Variants in COLGALT2 observed in about 807,000 individuals in gnomAD.
COLGALT2 encodes the protein collagen beta(1-O)galactosyltransferase 2, also known as procollagen galactosyltransferase 2.
In COLGALT2, 49 loss-of-function variants were observed where a neutral mutation model predicts 73.4. The ratio of observed to expected loss-of-function variants is 0.67; its 90% CI spans 0.53 to 0.85. The LOEUF (loss-of-function observed/expected upper bound fraction) is 0.85, where lower values mean the gene tolerates loss of function less well. Among genes scored for constraint, COLGALT2 ranks in the 40% least tolerant of loss-of-function variants. The pLI is 0.00. For synonymous variants in COLGALT2, 295 were observed against 307.6 expected (o/e 0.96, Z 0.43); for missense variants, 722 against 790.2 (o/e 0.91, Z 1.03).
chr1:183,959,543 C>T (rs949352518), intron 6 of COLGALT2, among the ~76,000 whole-genome samples: 2 of 152,088 alleles, frequency 1.3e-5, no homozygotes, highest in African/African-American at 2.4e-5. Flanking sequence ...CCTGTTGCTC[C>T]ACCACCAAAA....
intron 1 of COLGALT2, among the ~76,000 whole-genome samples, chr1:184,036,548 A>G (rs559221751): frequency 6.6e-6 from 1 of 152,210 alleles, no homozygotes; most frequent in South Asian, 2.1e-4. Context: ...CCCCTAGGAG[A>G]GCTAGGAGCA....
intron 8 of COLGALT2, chr1:183,945,894 G>A (rs986932131): frequency 1.6e-5 from 4 of 252,824 alleles, no homozygotes; most frequent in Non-Finnish European, 2.3e-5. Context: ...GTTTGATCAA[G>A]ACCTACTGCT....
chr1:183,930,475 G>A (rs76296745), intron 11 of COLGALT2, among the ~76,000 whole-genome samples: 6,639 of 151,750 alleles, frequency 0.044, 398 homozygotes, highest in East Asian at 0.31. Flanking sequence ...TGCAGACTCC[G>A]CTTCCTGGGC....
chr1:184,010,149 G>A (rs1409803), intron 1 of COLGALT2, among the ~76,000 whole-genome samples: 29,233 of 152,098 alleles, frequency 0.19, 5,037 homozygotes, highest in African/African-American at 0.46. Context: ...CAGTCATGCA[G>A]GTGAATAATG....
intron 6 of COLGALT2, among the ~76,000 whole-genome samples, chr1:183,956,006 G>A (rs1466091186): frequency 6.6e-6 from 1 of 152,188 alleles, no homozygotes; most frequent in African/African-American, 2.4e-5. Flanking sequence ...CGGCATGTGT[G>A]GATATGGATA....
rs1026451283 is a variant in COLGALT2, at chr1:183,937,696, G to A, written c.*1065C>T. The A allele has an allele frequency of 9.1e-6, 9 of 985,298 alleles. No individual in the cohort carries two copies. The highest frequency in any genetic ancestry group is 1.1e-4 in the East Asian group (1 of 8,834). The allele number at this position is 985,298 out of a possible 1,614,324, so 61.0% of individuals were successfully genotyped here. Reference sequence around the variant, plus strand: ...CACACCCACCACTCCCCCGGGTGCCGTGGAAGTCTGCAACATCTGTTTCTC... The same window carrying A: ...CACACCCACCACTCCCCCGGGTGCCATGGAAGTCTGCAACATCTGTTTCTC... On this transcript the variant is annotated 3_prime_UTR_variant, in exon 12 of 12. Transcript: ENST00000361927.
intron 1 of COLGALT2, among the ~76,000 whole-genome samples, chr1:184,026,539 G>C (rs1649336825): frequency 6.6e-6 from 1 of 152,064 alleles, no homozygotes; most frequent in Non-Finnish European, 1.5e-5. Flanking sequence ...AACAAACTCA[G>C]AACAATCCTC....
At chr1:183,942,878 C>A (rs1016346168) in intron 10 of COLGALT2, among the ~76,000 whole-genome samples, 2 of 152,190 alleles carry the variant, frequency 1.3e-5, no homozygotes, top group Non-Finnish European at 2.9e-5. Flanking sequence ...TACATGTGAA[C>A]GGGAACGTAT....
downstream of COLGALT2, among the ~76,000 whole-genome samples, chr1:183,932,843 C>T (rs1669874876): frequency 6.6e-6 from 1 of 152,122 alleles, no homozygotes. Context: ...TCCCATGAGT[C>T]CCCACCTCCT....
At chr1:183,994,184 A>G (rs1477144973) in intron 1 of COLGALT2, among the ~76,000 whole-genome samples, 1 of 150,192 alleles carries the variant, frequency 6.7e-6, no homozygotes, top group Non-Finnish European at 1.5e-5. Flanking sequence ...GACTACAGGC[A>G]CCCGCCACCA....
intron 5 of COLGALT2, among the ~76,000 whole-genome samples, chr1:183,964,985 G>A (rs962168956): frequency 8.5e-5 from 13 of 152,246 alleles, no homozygotes; most frequent in African/African-American, 2.9e-4. Context: ...TTGTGCAGAT[G>A]AAATTTCCTC....
At position 183,964,365 on chromosome 1, in the gene COLGALT2, G is replaced by C. The variant is rs1014692862; in HGVS notation, c.833-345C>G. 11 of 334,578 alleles carry C rather than the reference G, an allele frequency of 3.3e-5. No individual in the cohort carries two copies. In the Admixed American group the frequency reaches 4.3e-4, roughly 13 times the overall value. The allele number at this position is 334,578 out of a possible 1,614,324, so 20.7% of individuals were successfully genotyped here. ...ATTCTGGAGAGCAGAATGGAACACT[G>C]TAATCCACCTACAGGAAATAACAAG... is the stretch of plus-strand genomic sequence containing the variant. On this transcript the variant is annotated intron_variant, in intron 5 of 11. Transcript: ENST00000361927.
chr1:183,945,297 A>G, intron 9 of COLGALT2, 135 bp downstream of exon 9: 1 of 1,062,142 alleles, frequency 9.4e-7, no homozygotes. Flanking sequence ...AGGGAGACAC[A>G]AGGCAGGAGC....
intron 6 of COLGALT2, among the ~76,000 whole-genome samples, chr1:183,960,770 T>G (rs1670678084): frequency 6.6e-6 from 1 of 152,238 alleles, no homozygotes; most frequent in Admixed American, 6.5e-5. Context: ...TTTGTGATTT[T>G]TTTTTTAGCT....
chr1:183,931,906 AG>A (rs1012066922), downstream of COLGALT2, among the ~76,000 whole-genome samples: 8 of 151,834 alleles, frequency 5.3e-5, no homozygotes, highest in African/African-American at 1.9e-4. Flanking sequence ...AAATGGGAGA[AG>A]CATTCTAAAT....
At position 183,938,460 on chromosome 1, in the gene COLGALT2, T is replaced by C. The variant is rs1170526488; in HGVS notation, c.*301A>G. 1 of 1,197,200 alleles carries C rather than the reference T, an allele frequency of 8.4e-7. No homozygotes were observed. The highest frequency in any genetic ancestry group is 1.0e-6 in the Non-Finnish European group (1 of 959,394). 74.2% of individuals were successfully genotyped at this position (1,197,200 alleles called of 1,614,324 possible). A position where few individuals can be genotyped will look rare whatever the true frequency, so the allele number is the denominator to read the frequency against. On this transcript the variant is annotated 3_prime_UTR_variant, in exon 12 of 12. Transcript: ENST00000361927. ...TCTGAGCCATGTTGTTCAACCTTAA[T>C]GTGGGAATCAGTATCACATGAGTAG...
intron 9 of COLGALT2, 22 bp downstream of exon 9, chr1:183,945,410 A>G: frequency 6.2e-7 from 1 of 1,611,490 alleles, no homozygotes; most frequent in Non-Finnish European, 8.5e-7. Context: ...TAAAACTGCA[A>G]TCTGAATAAA....
At position 184,019,524 on chromosome 1, in the gene COLGALT2, T is replaced by C. The variant is rs180811508; in HGVS notation, c.263+17571A>G. 2.3e-3 allele frequency among the ~76,000 whole-genome samples: 346 copies of C among 152,312 alleles called. 5 individuals are homozygous for C. The highest frequency in any genetic ancestry group is 8.0e-3 in the African/African-American group (332 of 41,576). ...ATATTCAACTAAAGCAGATTGTTCT[T>C]AATACACATTTTTATGTTTGGTGGC... On this transcript the variant is annotated intron_variant, in intron 1 of 11. Transcript: ENST00000361927.
intron 5 of COLGALT2, among the ~76,000 whole-genome samples, chr1:183,968,111 A>C (rs1306717982): frequency 6.6e-6 from 1 of 152,168 alleles, no homozygotes; most frequent in Non-Finnish European, 1.5e-5. Context: ...CAGCTGCCGG[A>C]GGATCTTTGC....
Sources: gnomAD v4.1 joint callset for allele counts (sites outside exome capture counted in the v4.1 genomes callset) on GRCh38, gnomAD v4.1.1 for gene constraint, MANE v1.5 for transcripts, NCBI Gene and HGNC (gene_info 2026-07-23, HGNC 2026-07-21) for gene names.